Variants in HTR2C observed in about 807,000 individuals in gnomAD.
HTR2C encodes the protein 5-hydroxytryptamine receptor 2C.
In HTR2C, 5 loss-of-function variants were observed where a neutral mutation model predicts 21.0. That is an observed-to-expected ratio of 0.24 (90% CI 0.12 to 0.50). HTR2C has a LOEUF of 0.50. HTR2C is among the 20% of genes least tolerant of loss of function. The pLI, the probability that HTR2C is intolerant of heterozygous loss-of-function variation, is 0.98. For missense variants in HTR2C, 271 were observed against 371.2 expected (o/e 0.73, Z 2.22); for synonymous variants, 150 against 145.3 (o/e 1.03, Z -0.23).
intron 2 of HTR2C, among the ~76,000 whole-genome samples, chrX:114,627,794 C>A (rs1182818876): frequency 1.8e-5 from 2 of 111,584 alleles, no homozygotes; most frequent in Non-Finnish European, 3.8e-5. Flanking sequence ...TAAAAGCAAG[C>A]AAAAGAGAGA....
At chrX:114,864,839 T>C (rs782336335) in intron 5 of HTR2C, among the ~76,000 whole-genome samples, 1 of 111,078 alleles carries the variant, frequency 9.0e-6, no homozygotes, top group African/African-American at 3.3e-5. Flanking sequence ...GTATAGAGTA[T>C]GCTTGGCTGA....
chrX:114,683,777 G>A (rs12558706), intron 2 of HTR2C, among the ~76,000 whole-genome samples: 11,784 of 111,027 alleles, frequency 0.11, 623 homozygotes, highest in Middle Eastern at 0.22. Flanking sequence ...CCATGTGACA[G>A]AGTGAGATTC....
intron 4 of HTR2C, among the ~76,000 whole-genome samples, chrX:114,759,569 C>T (rs2147375933): frequency 8.9e-6 from 1 of 111,838 alleles, no homozygotes; most frequent in Admixed American, 9.5e-5. Flanking sequence ...AAAATGTAAC[C>T]TAAATATAGA....
chrX:114,728,687 T>C (rs1556422603), intron 3 of HTR2C, among the ~76,000 whole-genome samples: 1 of 110,584 alleles, frequency 9.0e-6, no homozygotes. Flanking sequence ...ATTCTTTTAT[T>C]AAAAAAAAAT....
chrX:114,795,718 G>T (rs962628757), intron 4 of HTR2C, among the ~76,000 whole-genome samples: 1 of 111,176 alleles, frequency 9.0e-6, no homozygotes, highest in African/African-American at 3.3e-5. Context: ...TGTTCCATTG[G>T]TCTATATCTC....
intron 5 of HTR2C, chrX:114,900,596 T>C (rs1369853359): frequency 1.8e-5 from 2 of 111,817 alleles, no homozygotes; most frequent in South Asian, 3.8e-4. Context: ...TGAAATAGTA[T>C]GGTTTTCTAG....
chrX:114,711,640 C>G (rs1237466110), intron 2 of HTR2C, among the ~76,000 whole-genome samples: 1 of 111,847 alleles, frequency 8.9e-6, no homozygotes, highest in Non-Finnish European at 1.9e-5. Context: ...AACATAAACT[C>G]TTTGCTAATA....
intron 2 of HTR2C, among the ~76,000 whole-genome samples, chrX:114,667,267 C>A (rs1931212351): frequency 9.0e-6 from 1 of 110,803 alleles, no homozygotes; most frequent in Admixed American, 9.7e-5. Flanking sequence ...TAATTTTATT[C>A]TCTGTAACAG....
chrX:114,879,676 G>A (rs1037370888), intron 5 of HTR2C, among the ~76,000 whole-genome samples: 10 of 110,505 alleles, frequency 9.0e-5, no homozygotes, highest in Non-Finnish European at 1.5e-4. Flanking sequence ...TGATAGCTTC[G>A]CTCATACAAT....
intron 4 of HTR2C, among the ~76,000 whole-genome samples, chrX:114,828,983 A>G (rs1556459583): frequency 1.8e-5 from 2 of 111,782 alleles, no homozygotes; most frequent in African/African-American, 6.5e-5. Context: ...CAGTTGATAG[A>G]TATTTGGGTT....
intron 5 of HTR2C, among the ~76,000 whole-genome samples, chrX:114,855,650 A>C (rs5946204): frequency 9.3e-6 from 1 of 107,116 alleles, no homozygotes; most frequent in South Asian, 4.1e-4. Context: ...AGTGTGTCTA[A>C]CAGTCAAGTA....
chrX:114,776,026 G>T, intron 4 of HTR2C: 1 of 422,781 alleles, frequency 2.4e-6, no homozygotes, highest in East Asian at 3.9e-5. Flanking sequence ...TCTCACTGAT[G>T]TCTTTCTTAT....
chrX:114,649,336 A>G (rs1930470702), intron 2 of HTR2C, among the ~76,000 whole-genome samples: 1 of 111,869 alleles, frequency 8.9e-6, no homozygotes, highest in Non-Finnish European at 1.9e-5. Context: ...AGTAGTTTTT[A>G]TTTTTGTGCT....
chrX:114,868,750 T>C (rs1450536196), intron 5 of HTR2C, among the ~76,000 whole-genome samples: 2 of 111,999 alleles, frequency 1.8e-5, no homozygotes, highest in Non-Finnish European at 3.8e-5. Flanking sequence ...CATAGAGCTT[T>C]CCAAAAAGGC....
chrX:114,764,696 T>G (rs2069919330), intron 4 of HTR2C, among the ~76,000 whole-genome samples: 1 of 111,623 alleles, frequency 9.0e-6, no homozygotes, highest in Admixed American at 9.5e-5. Context: ...GCTATCAGTA[T>G]TCTACTGCCA....
intron 3 of HTR2C, among the ~76,000 whole-genome samples, chrX:114,728,332 ATAAACTT>A (rs1183409675): frequency 9.0e-6 from 1 of 111,439 alleles, no homozygotes; most frequent in East Asian, 2.8e-4. Flanking sequence ...AACAATTAGG[ATAAACTT>A]TAAGAGCAAG....
At chrX:114,905,688 T>C (rs2071366414) in intron 5 of HTR2C, among the ~76,000 whole-genome samples, 2 of 111,605 alleles carry the variant, frequency 1.8e-5, no homozygotes, top group African/African-American at 6.5e-5. Context: ...TCTCTATCTG[T>C]TATCTATTTA....
At chrX:114,588,952 A>G (rs1556390408) in intron 1 of HTR2C, among the ~76,000 whole-genome samples, 1 of 111,940 alleles carries the variant, frequency 8.9e-6, no homozygotes, top group Admixed American at 9.5e-5. Context: ...AGAAGGTACT[A>G]CTATTATCCA....
intron 2 of HTR2C, among the ~76,000 whole-genome samples, chrX:114,703,871 G>T (rs1406650999): frequency 9.1e-6 from 1 of 110,137 alleles, no homozygotes. Flanking sequence ...AAATGATAAA[G>T]GGGATATCAC....
Sources: allele counts gnomAD v4.1 joint callset (sites outside exome capture counted in the v4.1 genomes callset), GRCh38; gene constraint gnomAD v4.1.1; transcripts MANE v1.5; gene names NCBI Gene and HGNC (gene_info 2026-07-23, HGNC 2026-07-21).